The following DCDC1 variants were observed in gnomAD, a reference collection of about 807,000 sequenced individuals.
DCDC1 encodes the protein doublecortin domain containing 1, also known as doublecortin domain-containing protein 1.
DCDC1 carries 200 observed loss-of-function variants against 178.3 expected under a neutral mutation model. The observed-to-expected ratio is 1.12, with a 90% CI of 1.00 to 1.26. The LOEUF (loss-of-function observed/expected upper bound fraction) is 1.26, where lower values mean the gene tolerates loss of function less well. DCDC1 is among the 50% of genes most tolerant of loss of function. The pLI, the probability that DCDC1 is intolerant of heterozygous loss-of-function variation, is 0.00. For synonymous variants in DCDC1, 690 were observed against 604.8 expected (o/e 1.14, Z -2.07); for missense variants, 1,983 against 1,749.2 (o/e 1.13, Z -2.38).
At chr11:30,869,655 T>C (rs138633446) in intron 38 of DCDC1, among the ~76,000 whole-genome samples, 196 of 152,176 alleles carry the variant, frequency 1.3e-3, no homozygotes, top group Non-Finnish European at 2.4e-3. Context: ...TAAAATGACA[T>C]GAGAAAGCTG....
rs949560340 is a variant in DCDC1 at position 31,157,611 on chromosome 11, G to A, written c.1222-19827C>T. On this transcript the variant is annotated intron_variant, in intron 9 of 38. Coordinates refer to ENST00000684477, the MANE Select transcript of DCDC1 (RefSeq NM_001387274.1). ...CAAAAGGATAAATATTGTGTGATTC[G>A]ATTTATGAGTTATCTAGAGTAATCA... 3.9e-5 allele frequency among the ~76,000 whole-genome samples: 6 copies of A among 152,022 alleles called. No homozygotes were observed. The East Asian group carries it at 7.7e-4, about 20-fold the overall frequency.
intron 11 of DCDC1, among the ~76,000 whole-genome samples, chr11:31,114,234 G>A (rs936507323): frequency 2.0e-5 from 3 of 152,020 alleles, no homozygotes; most frequent in African/African-American, 4.8e-5. Flanking sequence ...AAAATCACGT[G>A]GTATAAGAAA....
intron 9 of DCDC1, among the ~76,000 whole-genome samples, chr11:31,158,649 T>C (rs906471854): frequency 5.3e-5 from 8 of 152,174 alleles, no homozygotes; most frequent in Non-Finnish European, 7.3e-5. Context: ...TTCAGACAAA[T>C]TGGAGAAGAA....
intron 20 of DCDC1, among the ~76,000 whole-genome samples, chr11:30,994,120 A>C (rs1287361277): frequency 6.6e-6 from 1 of 152,210 alleles, no homozygotes; most frequent in Non-Finnish European, 1.5e-5. Context: ...AGTGAGATTC[A>C]TTATAACAAT....
chr11:31,070,857 CT>C (rs1342253726), intron 18 of DCDC1, among the ~76,000 whole-genome samples: 1 of 152,070 alleles, frequency 6.6e-6, no homozygotes, highest in African/African-American at 2.4e-5. Context: ...CACAGGAGTG[CT>C]TATGTCCTCA....
At chr11:30,967,426 A>G (rs886128865) in intron 20 of DCDC1, among the ~76,000 whole-genome samples, 4 of 152,180 alleles carry the variant, frequency 2.6e-5, no homozygotes, top group Non-Finnish European at 5.9e-5. Context: ...TCAGCCCAAA[A>G]TCTCCTTAAG....
chr11:31,142,823 A>G (rs939598854), intron 9 of DCDC1, among the ~76,000 whole-genome samples: 2 of 152,112 alleles, frequency 1.3e-5, no homozygotes, highest in Non-Finnish European at 2.9e-5. Context: ...AAGCTGGGCA[A>G]GTTTAATAAA....
chr11:31,155,120 TA>T (rs1296707148), intron 9 of DCDC1, among the ~76,000 whole-genome samples: 2 of 152,242 alleles, frequency 1.3e-5, no homozygotes, highest in Non-Finnish European at 1.5e-5. Context: ...TCAAAAAAGC[TA>T]AAACTTTTGT....
intron 9 of DCDC1, among the ~76,000 whole-genome samples, chr11:31,210,337 A>C (rs190572263): frequency 2.0e-5 from 3 of 152,198 alleles, no homozygotes; most frequent in Admixed American, 1.3e-4. Flanking sequence ...GTGAGTCCCA[A>C]AGTAGGTACG....
chr11:31,291,982 TCAA>T (rs894813566), intron 6 of DCDC1, among the ~76,000 whole-genome samples: 16 of 151,962 alleles, frequency 1.1e-4, no homozygotes, highest in African/African-American at 2.9e-4. Flanking sequence ...TATTAAATGT[TCAA>T]CAACAACAAC....
At chr11:31,293,647 C>T (rs1947390558) in intron 6 of DCDC1, among the ~76,000 whole-genome samples, 1 of 152,174 alleles carries the variant, frequency 6.6e-6, no homozygotes, top group Non-Finnish European at 1.5e-5. Context: ...AAAAACAGTA[C>T]TATAGCCAGA....
rs535596545 is a variant in DCDC1 at position 31,082,708 on chromosome 11, T to C, written c.2238-4783A>G. ...TGTGTAATACATTTACACATATATA[T>C]ATATCTGTTTGTATGTGTTTATACA... is the stretch of plus-strand genomic sequence containing the variant. On this transcript the variant is annotated intron_variant, in intron 17 of 38. Transcript: ENST00000684477. 1.1e-3 allele frequency among the ~76,000 whole-genome samples: 160 copies of C among 152,232 alleles called. 2 individuals are homozygous for C. The highest frequency in any genetic ancestry group is 3.6e-3 in the African/African-American group (148 of 41,546).
At chr11:31,354,639 T>C (rs1951239423) in intron 1 of DCDC1, among the ~76,000 whole-genome samples, 1 of 152,164 alleles carries the variant, frequency 6.6e-6, no homozygotes, top group Admixed American at 6.5e-5. Context: ...ACGCAAAAAG[T>C]GAACAGTGTA....
At chr11:30,922,775 C>T in intron 23 of DCDC1, 137 bp from the exon 24 acceptor site, 2 of 787,306 alleles carry the variant, frequency 2.5e-6, no homozygotes, top group African/African-American at 3.6e-5. Context: ...AAACTGTGTA[C>T]CACTCAGTAC....
intron 20 of DCDC1, among the ~76,000 whole-genome samples, chr11:31,049,413 AAAG>A (rs1477941162): frequency 2.6e-5 from 4 of 152,210 alleles, no homozygotes; most frequent in African/African-American, 4.8e-5. Flanking sequence ...TTTCTGGCAG[AAAG>A]AAGGTACTTA....
chr11:31,305,776 A>G lies in DCDC1; in HGVS notation c.593T>C (p.Leu198Pro), dbSNP rs377177198. ...ARVTVPTITL[L>P]LEECTEKLNL... ...CAGCTTTTCTGTGCACTCCTCCAGCAGCTAGAAGAAAGCAAGAGGTAAGTC... is the reference window on the plus strand; with the variant it reads ...CAGCTTTTCTGTGCACTCCTCCAGCGGCTAGAAGAAAGCAAGAGGTAAGTC... Residue 198 changes from leucine to proline, a missense_variant and splice_region_variant, in exon 6 of 39, where the codon CTG (leucine) becomes CCG (proline). By Grantham distance (98) the Leu-to-Pro change is moderately conservative (BLOSUM62 -3). Coordinates refer to ENST00000684477, the MANE Select transcript of DCDC1 (RefSeq NM_001387274.1). 6.2e-7 allele frequency: 1 copy of G among 1,612,264 alleles called. No homozygotes were observed. The highest frequency in any genetic ancestry group is 8.5e-7 in the Non-Finnish European group (1 of 1,179,240).
chr11:30,985,767 T>C (rs1171537204), intron 20 of DCDC1, among the ~76,000 whole-genome samples: 1 of 152,134 alleles, frequency 6.6e-6, no homozygotes, highest in African/African-American at 2.4e-5. Context: ...GTCCACATCC[T>C]TCCCCCAAGC....
rs150632025 is a variant in DCDC1, at chr11:31,162,852, A to G, written c.1222-25068T>C. Among the ~76,000 whole-genome samples the G allele has an allele frequency of 4.0e-3, 605 of 152,276 alleles. 4 individuals carry two copies. The highest frequency in any genetic ancestry group is 0.014 in the African/African-American group (562 of 41,564). ...TAAGAGAAGTAGATTTCATTTACCT[A>G]TACATGTTTAAGGCAATCATAAAAA... is the stretch of plus-strand genomic sequence containing the variant. On this transcript the variant is annotated intron_variant, in intron 9 of 38. Transcript: ENST00000684477.
At chr11:30,956,119 A>G (rs772430794) in intron 20 of DCDC1, among the ~76,000 whole-genome samples, 1 of 152,224 alleles carries the variant, frequency 6.6e-6, no homozygotes, top group African/African-American at 2.4e-5. Context: ...TTTGTCCTGC[A>G]TCTCACAGAC....
Sources: allele counts gnomAD v4.1 joint callset (sites outside exome capture counted in the v4.1 genomes callset), GRCh38; gene constraint gnomAD v4.1.1; transcripts MANE v1.5; gene names NCBI Gene and HGNC (gene_info 2026-07-23, HGNC 2026-07-21).